The following KCTD2 variants were observed in gnomAD, a reference collection of about 807,000 sequenced individuals.
The protein encoded by KCTD2 is potassium channel tetramerization domain containing 2.
Under a neutral mutation model 27.9 loss-of-function variants are expected in KCTD2, and 18 were observed. The observed-to-expected ratio is 0.64, with a 90% CI of 0.45 to 0.96. The LOEUF is 0.96. Ranked by LOEUF, KCTD2 falls within the 40% of genes least tolerant of loss-of-function variation. The pLI, the probability that KCTD2 is intolerant of heterozygous loss-of-function variation, is 0.00. For missense variants in KCTD2, 280 were observed against 348.0 expected (o/e 0.80, Z 1.56); for synonymous variants, 175 against 148.4 (o/e 1.18, Z -1.30).
intron 3 of KCTD2, chr17:75,040,213 A>C (rs1202465663): frequency 6.2e-7 from 1 of 1,608,960 alleles, no homozygotes; most frequent in South Asian, 1.1e-5. Context: ...CTACAAACAC[A>C]AGGACAGTGA....
chr17:75,051,123 AC>A (rs1567991432), intron 2 of KCTD2, among the ~76,000 whole-genome samples: 2 of 150,448 alleles, frequency 1.3e-5, no homozygotes, highest in African/African-American at 4.9e-5. Flanking sequence ...ATAGGCGCCC[AC>A]CACCACACCC....
intron 2 of KCTD2, among the ~76,000 whole-genome samples, chr17:75,050,856 T>C (rs937816987): frequency 6.6e-6 from 1 of 152,178 alleles, no homozygotes; most frequent in Admixed American, 6.5e-5. Context: ...TTGTTGTTTT[T>C]TTAAGAGTCA....
At chr17:75,036,936 G>A (rs940818980) in intron 3 of KCTD2, among the ~76,000 whole-genome samples, 1 of 152,034 alleles carries the variant, frequency 6.6e-6, no homozygotes, top group African/African-American at 2.4e-5. Flanking sequence ...TCTTCAACCC[G>A]GCCTTACTCC....
chr17:75,055,065 C>CT (rs1598125197), intron 3 of KCTD2, among the ~76,000 whole-genome samples: 1 of 151,694 alleles, frequency 6.6e-6, no homozygotes, highest in Non-Finnish European at 1.5e-5. Context: ...CTTTTTTCTT[C>CT]TTTTTTTGAG....
chr17:75,060,448 A>G lies in KCTD2; in HGVS notation c.636+843A>G, dbSNP rs567714565. On this transcript the variant is annotated intron_variant, in intron 4 of 5. Transcript: ENST00000322444. The stretch of plus-strand genomic sequence containing the variant: ...CAAAAAGCCAAAAAAGTCCTCTAAC[A>G]TAAGCCTTCCAAGGTGATACTTTCA... The G allele has an allele frequency of 8.8e-5, 141 of 1,609,654 alleles. 1 individual carries two copies. The Middle Eastern group carries it at 9.0e-4, about 10-fold the overall frequency.
Position 75,055,908 on chromosome 17 carries a change from A to G in KCTD2, c.540+2803A>G, listed in dbSNP as rs1384372151. ...TGTCTGAGTGTGGTAGCGGGCGCCTATAATCCCAGCTACTTGGGAGGCTGA... is the reference window on the plus strand; with the variant it reads ...TGTCTGAGTGTGGTAGCGGGCGCCTGTAATCCCAGCTACTTGGGAGGCTGA... On this transcript the variant is annotated intron_variant, in intron 3 of 5. Coordinates refer to ENST00000322444, the MANE Select transcript of KCTD2 (RefSeq NM_015353.3). Among the ~76,000 whole-genome samples the G allele has an allele frequency of 5.4e-5, 8 of 147,752 alleles. No individual in the cohort carries two copies. The East Asian group carries it at 6.0e-4, about 11-fold the overall frequency.
rs2073430588 is a variant in KCTD2 at position 75,063,941 on chromosome 17, G to GAAA, written c.*894_*895insAAA. ...ATGGACCCTTTGATGGCTTGGAGTG[G>GAAA]GGAAGGCTGTTTCTTTGAAAGTTGC... On this transcript the variant is annotated 3_prime_UTR_variant, in exon 6 of 6. Coordinates refer to ENST00000322444, the MANE Select transcript of KCTD2 (RefSeq NM_015353.3). 6.6e-6 allele frequency: 1 copy of GAAA among 152,650 alleles called. No individual in the cohort carries two copies. The highest frequency in any genetic ancestry group is 1.9e-4 in the East Asian group (1 of 5,198). 9.5% of individuals were successfully genotyped at this position (152,650 alleles called of 1,614,324 possible).
intron 3 of KCTD2, among the ~76,000 whole-genome samples, chr17:75,038,584 G>A (rs779299031): frequency 2.4e-4 from 37 of 152,208 alleles, no homozygotes; most frequent in Non-Finnish European, 4.3e-4. Flanking sequence ...CTTGGAACCA[G>A]GGGTTTGAAA....
chr17:75,042,853 C>G (rs1365754542), upstream of KCTD2, among the ~76,000 whole-genome samples: 1 of 151,890 alleles, frequency 6.6e-6, no homozygotes, highest in East Asian at 1.9e-4. Flanking sequence ...TGCACTCCAG[C>G]CTGGGAGACA....
chr17:75,059,239 T>G (rs900504464), intron 3 of KCTD2: 4 of 261,772 alleles, frequency 1.5e-5, no homozygotes, highest in Non-Finnish European at 2.8e-5. Context: ...TTATTTTACC[T>G]TTTTTATTCT....
intron 1 of KCTD2, 73 bp downstream of exon 1, chr17:75,047,662 C>T (rs2073240297): frequency 3.4e-6 from 5 of 1,464,362 alleles, no homozygotes; most frequent in Non-Finnish European, 4.6e-6. Flanking sequence ...CCCCAGAGTC[C>T]TGAGACACGC....
At chr17:75,059,635 G>C in intron 4 of KCTD2, 30 bp downstream of exon 4, 1 of 1,566,718 alleles carries the variant, frequency 6.4e-7, no homozygotes, top group South Asian at 1.1e-5. Context: ...AGCAATCCCA[G>C]GCCCCGTTCA....
chr17:75,052,485 G>A (rs948103322), intron 2 of KCTD2, among the ~76,000 whole-genome samples: 8 of 152,230 alleles, frequency 5.3e-5, no homozygotes, highest in Non-Finnish European at 8.8e-5. Flanking sequence ...ACTTTGGGAG[G>A]CCAAGGCAGA....
intron 3 of KCTD2, among the ~76,000 whole-genome samples, chr17:75,056,952 C>CTTT (rs35875644): frequency 2.6e-4 from 28 of 108,016 alleles, no homozygotes; most frequent in Non-Finnish European, 3.9e-4. Context: ...TTTCTTTTTT[C>CTTT]TTTTTTTTTT....
chr17:75,040,292 A>G (rs779857793), intron 3 of KCTD2: 259 of 1,061,244 alleles, frequency 2.4e-4, no homozygotes, highest in Admixed American at 6.5e-4. Context: ...ATACTGAAAG[A>G]CATTCTGTGT....
intron 3 of KCTD2, 67 bp from the exon 4 acceptor site, chr17:75,059,443 C>G: frequency 1.9e-6 from 2 of 1,035,970 alleles, no homozygotes; most frequent in Non-Finnish European, 2.8e-6. Context: ...TTTGAAGAGC[C>G]TCCTTGGGGC....
intron 1 of KCTD2, chr17:75,033,981 G>A (rs115296203): frequency 2.2e-4 from 33 of 152,254 alleles, no homozygotes; most frequent in African/African-American, 7.2e-4. Flanking sequence ...CTGGGGTAGA[G>A]GTGAAAGTTC....
chr17:75,039,793 C>A, intron 3 of KCTD2: 1 of 402,058 alleles, frequency 2.5e-6, no homozygotes, highest in Non-Finnish European at 4.5e-6. Context: ...ATATAGGTAT[C>A]CACCTGTGAA....
intron 4 of KCTD2, chr17:75,060,541 T>G: frequency 1.9e-6 from 3 of 1,612,976 alleles, no homozygotes; most frequent in Non-Finnish European, 2.5e-6. Flanking sequence ...GATGCCCTTT[T>G]CACTTCTGTG....
Sources: allele counts gnomAD v4.1 joint callset (sites outside exome capture counted in the v4.1 genomes callset), GRCh38; gene constraint gnomAD v4.1.1; transcripts MANE v1.5; gene names NCBI Gene and HGNC (gene_info 2026-07-23, HGNC 2026-07-21).